Variants in PTPRT observed in about 807,000 individuals in gnomAD.
PTPRT encodes the protein protein tyrosine phosphatase receptor type T, also known as receptor-type tyrosine-protein phosphatase T.
PTPRT carries 56 observed loss-of-function variants against 176.8 expected under a neutral mutation model. That is an observed-to-expected ratio of 0.32 (90% CI 0.26 to 0.40). The LOEUF is 0.40. Among genes scored for constraint, PTPRT ranks in the 10% least tolerant of loss-of-function variants. PTPRT has a pLI of 1.00. For missense variants in PTPRT, 1,540 were observed against 1,908.2 expected, an observed-to-expected ratio of 0.81 and a Z score of 3.60; for synonymous variants, 783 against 739.0, an observed-to-expected ratio of 1.06 and a Z score of -0.96.
intron 7 of PTPRT, among the ~76,000 whole-genome samples, chr20:42,565,029 C>T (rs752808753): frequency 6.6e-6 from 1 of 152,134 alleles, no homozygotes; most frequent in Non-Finnish European, 1.5e-5. Context: ...ATCAGACAGT[C>T]CTCCACTGTA....
At chr20:42,039,328 A>C in the PTPRT span, among the ~76,000 whole-genome samples, 1 of 152,178 alleles carries the variant, frequency 6.6e-6, no homozygotes, top group African/African-American at 2.4e-5. Flanking sequence ...ATTAGTTCAC[A>C]TACCTATTTT....
At chr20:42,250,037 G>A (rs373535161) in intron 13 of PTPRT, among the ~76,000 whole-genome samples, 3 of 152,116 alleles carry the variant, frequency 2.0e-5, no homozygotes, top group East Asian at 1.9e-4. Context: ...CAGCCAATAC[G>A]CTTTCTCTGA....
At chr20:42,807,544 T>C (rs894391472) in intron 2 of PTPRT, among the ~76,000 whole-genome samples, 3 of 152,140 alleles carry the variant, frequency 2.0e-5, no homozygotes, top group African/African-American at 7.2e-5. Flanking sequence ...ATCTACTTCT[T>C]GGGATTTTCT....
chr20:42,303,300 C>A (rs1264240364), intron 12 of PTPRT, among the ~76,000 whole-genome samples: 2 of 152,214 alleles, frequency 1.3e-5, no homozygotes, highest in African/African-American at 4.8e-5. Flanking sequence ...ATTAGTACAG[C>A]TCCTCACTAT....
At chr20:42,796,748 C>T (rs750205978) in intron 2 of PTPRT, among the ~76,000 whole-genome samples, 10 of 152,190 alleles carry the variant, frequency 6.6e-5, no homozygotes, top group Non-Finnish European at 1.3e-4. Flanking sequence ...TCAGCTTTGA[C>T]AGGCAGTTCA....
At chr20:42,688,488 G>A (rs34024739) in intron 6 of PTPRT, 10,749 of 152,170 alleles carry the variant, frequency 0.071, 496 homozygotes, top group Admixed American at 0.11. Context: ...CTACCTTAGC[G>A]TCCCACTTTT....
At chr20:42,186,310 A>C (rs1990779359) in intron 16 of PTPRT, among the ~76,000 whole-genome samples, 1 of 152,008 alleles carries the variant, frequency 6.6e-6, no homozygotes, top group African/African-American at 2.4e-5. Context: ...TGTTCTAATA[A>C]AGCTTTATTC....
chr20:42,137,561 G>A (rs1303132955), intron 18 of PTPRT, among the ~76,000 whole-genome samples: 1 of 152,162 alleles, frequency 6.6e-6, no homozygotes, highest in Non-Finnish European at 1.5e-5. Flanking sequence ...CCACAGCTCT[G>A]GTCATGGCTG....
At chr20:42,690,651 C>G (rs1176792309) in intron 6 of PTPRT, among the ~76,000 whole-genome samples, 1 of 152,190 alleles carries the variant, frequency 6.6e-6, no homozygotes, top group Non-Finnish European at 1.5e-5. Flanking sequence ...GCTAGCTTCT[C>G]CAAACTATGC....
At chr20:42,188,525 C>T (rs1990869300) in intron 16 of PTPRT, among the ~76,000 whole-genome samples, 1 of 151,962 alleles carries the variant, frequency 6.6e-6, no homozygotes, top group South Asian at 2.1e-4. Flanking sequence ...TGAAATGAGG[C>T]ATAGAAAGTG....
the PTPRT span, among the ~76,000 whole-genome samples, chr20:42,038,572 T>A: frequency 6.6e-6 from 1 of 152,186 alleles, no homozygotes; most frequent in Admixed American, 6.5e-5. Context: ...GGCTTATGGT[T>A]AGACTATCTG....
At chr20:43,069,323 C>T (rs779121188) in intron 1 of PTPRT, among the ~76,000 whole-genome samples, 1 of 152,232 alleles carries the variant, frequency 6.6e-6, no homozygotes, top group Non-Finnish European at 1.5e-5. Context: ...GGTCTTCCAA[C>T]ACCAGCAGCT....
intron 7 of PTPRT, among the ~76,000 whole-genome samples, chr20:42,634,077 TATATATATAATATAATAA>T (rs1569039058): frequency 3.3e-4 from 16 of 48,404 alleles, no homozygotes; most frequent in African/African-American, 1.5e-3. Flanking sequence ...ATATATATAA[TATATATATAATATAATAA>T]TATATATATT....
intron 9 of PTPRT, among the ~76,000 whole-genome samples, chr20:42,369,097 C>T (rs1022124716): frequency 1.3e-5 from 2 of 151,518 alleles, no homozygotes; most frequent in African/African-American, 4.9e-5. Context: ...TCCTTCCTTC[C>T]CTCCTTCCTT....
intron 7 of PTPRT, among the ~76,000 whole-genome samples, chr20:42,477,916 C>T (rs2071318681): frequency 6.6e-6 from 1 of 152,234 alleles, no homozygotes; most frequent in African/African-American, 2.4e-5. Flanking sequence ...CCACTTCAGA[C>T]TGTCCCTCTT....
At chr20:43,114,316 A>T (rs2012973079) in intron 1 of PTPRT, among the ~76,000 whole-genome samples, 1 of 152,194 alleles carries the variant, frequency 6.6e-6, no homozygotes, top group Admixed American at 6.5e-5. Flanking sequence ...TTCTGAAGCC[A>T]ACTGCCTGCG....
chr20:42,212,330 A>AT (rs2055659936), intron 15 of PTPRT, among the ~76,000 whole-genome samples: 1 of 150,358 alleles, frequency 6.7e-6, no homozygotes, highest in Admixed American at 6.6e-5. Context: ...AAAAAAAAAA[A>AT]AGAGTTCAAT....
Position 42,992,913 on chromosome 20 carries a change from C to G in PTPRT, c.89-106981G>C, listed in dbSNP as rs1321451130. 2.6e-5 allele frequency among the ~76,000 whole-genome samples: 4 copies of G among 152,118 alleles called. No homozygotes were observed. In the East Asian group the frequency reaches 7.7e-4, roughly 29 times the overall value. On this transcript the variant is annotated intron_variant, in intron 1 of 30. Transcript: ENST00000373187. ...TAGGGCTTCCTCCAAGTATGGCCAC[C>G]TTTAATATGTTACATGGTGACACAG...
the PTPRT span, among the ~76,000 whole-genome samples, chr20:42,055,987 T>C: frequency 9.7e-4 from 148 of 152,316 alleles, no homozygotes; most frequent in African/African-American, 3.4e-3. Flanking sequence ...ACATGCATCA[T>C]GCTGCCTTCC....
Sources: allele counts gnomAD v4.1 joint callset (sites outside exome capture counted in the v4.1 genomes callset), GRCh38; gene constraint gnomAD v4.1.1; transcripts MANE v1.5; gene names NCBI Gene and HGNC (gene_info 2026-07-23, HGNC 2026-07-21).